The following RPH3A variants were observed in gnomAD, a reference collection of about 807,000 sequenced individuals.
RPH3A encodes the protein rabphilin 3A.
RPH3A carries 48 observed loss-of-function variants against 102.2 expected under a neutral mutation model. The observed-to-expected ratio is 0.47, with a 90% CI of 0.37 to 0.60. The LOEUF (loss-of-function observed/expected upper bound fraction) is 0.60. Among genes scored for constraint, RPH3A ranks in the 20% least tolerant of loss-of-function variants. The pLI is 0.00. For synonymous variants in RPH3A, 310 were observed against 324.3 expected, an observed-to-expected ratio of 0.96 and a Z score of 0.47; for missense variants, 781 against 910.1, an observed-to-expected ratio of 0.86 and a Z score of 1.83.
At chr12:112,677,949 G>C (rs1456719057) in intron 1 of RPH3A, among the ~76,000 whole-genome samples, 1 of 151,724 alleles carries the variant, frequency 6.6e-6, no homozygotes, top group South Asian at 2.1e-4. Context: ...CCAGCACTTT[G>C]GGAGGCCAAG....
At chr12:112,651,162 C>T (rs2039972374) in intron 1 of RPH3A, among the ~76,000 whole-genome samples, 1 of 151,900 alleles carries the variant, frequency 6.6e-6, no homozygotes, top group Non-Finnish European at 1.5e-5. Context: ...GAGTTCCAGA[C>T]CAGCCTGGGC....
Position 112,897,000 on chromosome 12 carries a change from C to T in RPH3A, c.*220C>T. The stretch of plus-strand genomic sequence containing the variant: ...CTCTGAATACAGCCCCTCTCTCATC[C>T]CTGGGATGGAGCAATGGGGATGGGG... On this transcript the variant is annotated 3_prime_UTR_variant, in exon 22 of 22. Transcript: ENST00000389385. 4 of 532,940 alleles carry T rather than the reference C, an allele frequency of 7.5e-6. No homozygotes were observed. Among genetic ancestry groups the T allele is most frequent in the Non-Finnish European group, 1.3e-5 (4 of 297,114 alleles). 33.0% of individuals were successfully genotyped at this position (532,940 alleles called of 1,614,324 possible).
intron 1 of RPH3A, among the ~76,000 whole-genome samples, chr12:112,645,087 T>G (rs1283822321): frequency 6.6e-6 from 1 of 152,182 alleles, no homozygotes; most frequent in Non-Finnish European, 1.5e-5. Flanking sequence ...GCTGGTGAGT[T>G]CTGACTGATA....
intron 1 of RPH3A, among the ~76,000 whole-genome samples, chr12:112,715,846 T>A (rs1035305655): frequency 2.6e-5 from 4 of 152,170 alleles, no homozygotes; most frequent in African/African-American, 4.8e-5. Context: ...AAAAGAATAG[T>A]CCTGAGGGCT....
intron 1 of RPH3A, among the ~76,000 whole-genome samples, chr12:112,598,504 C>T (rs1482904659): frequency 6.6e-6 from 1 of 152,178 alleles, no homozygotes; most frequent in African/African-American, 2.4e-5. Context: ...ACATCATACT[C>T]TTATGAGTTT....
intron 1 of RPH3A, among the ~76,000 whole-genome samples, chr12:112,685,772 G>A (rs915928960): frequency 3.9e-5 from 6 of 152,100 alleles, no homozygotes; most frequent in Admixed American, 6.5e-5. Context: ...GACTTATCTT[G>A]CACCTCTCTT....
At chr12:112,896,579 C>T in intron 21 of RPH3A, 71 bp from the exon 22 acceptor site, 1 of 1,577,086 alleles carries the variant, frequency 6.3e-7, no homozygotes, top group South Asian at 1.1e-5. Context: ...GTTTTTTCCC[C>T]AACTACACAT....
chr12:112,580,240 A>G (rs892342254), intron 1 of RPH3A, among the ~76,000 whole-genome samples: 1 of 150,948 alleles, frequency 6.6e-6, no homozygotes, highest in African/African-American at 2.4e-5. Flanking sequence ...TTTAACATAA[A>G]ATGTTCTCTT....
chr12:112,843,689 G>T (rs1296672153), intron 4 of RPH3A, among the ~76,000 whole-genome samples: 1 of 152,166 alleles, frequency 6.6e-6, no homozygotes, highest in Non-Finnish European at 1.5e-5. Context: ...ACTAAGCCTA[G>T]AATCTCACAT....
At chr12:112,602,075 G>C (rs556618471) in intron 1 of RPH3A, among the ~76,000 whole-genome samples, 1 of 152,326 alleles carries the variant, frequency 6.6e-6, no homozygotes, top group Non-Finnish European at 1.5e-5. Context: ...GCACACAAGA[G>C]CCTTCAGATA....
intron 1 of RPH3A, among the ~76,000 whole-genome samples, chr12:112,581,690 C>A (rs1449851992): frequency 4.0e-5 from 6 of 149,854 alleles, no homozygotes; most frequent in Admixed American, 4.0e-4. Flanking sequence ...GTCAGCCTGG[C>A]CACGAACAAC....
intron 1 of RPH3A, among the ~76,000 whole-genome samples, chr12:112,726,065 G>A (rs2040587658): frequency 1.4e-5 from 2 of 148,028 alleles, no homozygotes; most frequent in South Asian, 4.6e-4. Flanking sequence ...AAAGTGCTGG[G>A]ATTGCAGGCG....
At chr12:112,584,782 A>G (rs987009373) in intron 1 of RPH3A, among the ~76,000 whole-genome samples, 10 of 152,164 alleles carry the variant, frequency 6.6e-5, no homozygotes, top group Non-Finnish European at 1.2e-4. Flanking sequence ...TTATTGTTTG[A>G]GGCTTTGAAG....
At chr12:112,634,716 C>A (rs2039836174) in intron 1 of RPH3A, among the ~76,000 whole-genome samples, 1 of 152,168 alleles carries the variant, frequency 6.6e-6, no homozygotes, top group South Asian at 2.1e-4. Flanking sequence ...GGGGGCACAG[C>A]ATTACATAAT....
At chr12:112,776,241 C>A (rs1221916775) in intron 1 of RPH3A, among the ~76,000 whole-genome samples, 1 of 152,170 alleles carries the variant, frequency 6.6e-6, no homozygotes, top group Admixed American at 6.5e-5. Context: ...TTCTCTATGA[C>A]TTAGTTTCCT....
chr12:112,621,522 C>T (rs1031260088), intron 1 of RPH3A, among the ~76,000 whole-genome samples: 4 of 146,966 alleles, frequency 2.7e-5, no homozygotes, highest in African/African-American at 7.7e-5. Context: ...CGGCGCACCA[C>T]GAGACTATAT....
chr12:112,738,338 G>A lies in RPH3A; in HGVS notation c.-139-53805G>A, dbSNP rs374890141. The stretch of plus-strand genomic sequence containing the variant: ...CTCCCGAGTAGCTGGGACTACAGGC[G>A]TGCATCACTCTTTCCTTTTCTTATA... On this transcript the variant is annotated intron_variant, in intron 1 of 21. Coordinates refer to the RPH3A transcript ENST00000543106. 1.1e-4 allele frequency among the ~76,000 whole-genome samples: 17 copies of A among 152,030 alleles called. No individual in the cohort carries two copies. In the East Asian group the frequency reaches 2.1e-3, roughly 19 times the overall value.
intron 1 of RPH3A, among the ~76,000 whole-genome samples, chr12:112,722,181 AT>A (rs1457896882): frequency 2.0e-5 from 3 of 152,188 alleles, no homozygotes; most frequent in Non-Finnish European, 4.4e-5. Context: ...TTGGATTTTT[AT>A]GGCTAGCTCT....
chr12:112,616,439 G>A (rs932798697), intron 1 of RPH3A, among the ~76,000 whole-genome samples: 3 of 152,180 alleles, frequency 2.0e-5, no homozygotes, highest in Non-Finnish European at 2.9e-5. Flanking sequence ...GAGCCACCGC[G>A]CGCAGTCTGG....
Sources: allele counts gnomAD v4.1 joint callset (sites outside exome capture counted in the v4.1 genomes callset), GRCh38; gene constraint gnomAD v4.1.1; transcripts MANE v1.5; gene names NCBI Gene and HGNC (gene_info 2026-07-23, HGNC 2026-07-21).